Variants in VNN1 observed in about 807,000 individuals in gnomAD.
The protein encoded by VNN1 is pantetheinase.
Under a neutral mutation model 41.9 loss-of-function variants are expected in VNN1, and 29 were observed. That is an observed-to-expected ratio of 0.69 (90% CI 0.52 to 0.94). VNN1 has a LOEUF of 0.94. Ranked by LOEUF, VNN1 falls within the 40% of genes least tolerant of loss-of-function variation. VNN1 has a pLI of 0.00. For synonymous variants in VNN1, 233 were observed against 224.4 expected, an observed-to-expected ratio of 1.04 and a Z score of -0.34; for missense variants, 637 against 621.1, an observed-to-expected ratio of 1.03 and a Z score of -0.27.
intron 2 of VNN1, among the ~76,000 whole-genome samples, chr6:132,705,376 A>G (rs1374922428): frequency 6.6e-6 from 1 of 152,206 alleles, no homozygotes; most frequent in Non-Finnish European, 1.5e-5. Context: ...ACATGCACAA[A>G]TCAATTGATG....
chr6:132,693,460 G>A (rs1778321847), intron 3 of VNN1, 145 bp from the exon 4 acceptor site: 1 of 901,204 alleles, frequency 1.1e-6, no homozygotes, highest in South Asian at 2.0e-5. Flanking sequence ...TTGCTTTAGA[G>A]AATCAGAGGC....
In VNN1 at chr6:132,693,038, G is replaced by A. The variant is rs1488131401; in HGVS notation, c.812C>T (p.Ser271Leu). Residue 271 changes from serine (S) to leucine (L), a missense_variant, in exon 4 of 7, where the codon TCA becomes TTA. Coordinates refer to ENST00000367928, the MANE Select transcript of VNN1 (RefSeq NM_004666.3). ...TCACACATTACCTGTCATTTTCTTTGAGGGGTAATGTATGTTGGATGCAAG... is the reference window on the plus strand; with the variant it reads ...TCACACATTACCTGTCATTTTCTTTAAGGGGTAATGTATGTTGGATGCAAG... ...NFLASNIHYP[S>L]KKMTGSGIYA... is the part of the protein sequence containing the mutation. 3.7e-6 allele frequency: 6 copies of A among 1,601,646 alleles called. No individual in the cohort carries two copies. Among genetic ancestry groups the A allele is most frequent in the Non-Finnish European group, 5.1e-6 (6 of 1,172,748 alleles).
intron 2 of VNN1, among the ~76,000 whole-genome samples, chr6:132,707,665 G>A (rs1199470716): frequency 6.6e-6 from 1 of 152,218 alleles, no homozygotes; most frequent in Non-Finnish European, 1.5e-5. Flanking sequence ...GTTAGGCACA[G>A]AAAGGCAAAC....
intron 5 of VNN1, among the ~76,000 whole-genome samples, chr6:132,686,841 G>T (rs1778216325): frequency 6.6e-6 from 1 of 151,932 alleles, no homozygotes; most frequent in African/African-American, 2.4e-5. Flanking sequence ...AGAGAGAGAA[G>T]AAAAAATAAT....
chr6:132,711,852 C>A lies in VNN1; in HGVS notation c.211-13G>T, dbSNP rs778536146. 13 of 1,611,512 alleles carry A rather than the reference C, an allele frequency of 8.1e-6. No homozygotes were observed. Among genetic ancestry groups the A allele is most frequent in the African/African-American group, 6.7e-5 (5 of 74,830 alleles). ...TAATATGCGCACCCTGTTAAAAATG[C>A]AACTTAATCCAAAGGGGGGCCTGCA... On this transcript the variant is annotated splice_polypyrimidine_tract_variant and intron_variant, in intron 1 of 6. Coordinates refer to ENST00000367928, the MANE Select transcript of VNN1 (RefSeq NM_004666.3).
rs1778187781 is a variant in VNN1, at chr6:132,685,092, A to C, written c.1189-587T>G. 1.3e-5 allele frequency among the ~76,000 whole-genome samples: 2 copies of C among 152,244 alleles called. 1 individual carries two copies. The highest frequency in any genetic ancestry group is 4.1e-4 in the South Asian group (2 of 4,834). ...GTTTCACACAATAAAAGAGCTTCAGAGTTGTAATGAGCCCTAGAGTTGACC... is the reference window on the plus strand; with the variant it reads ...GTTTCACACAATAAAAGAGCTTCAGCGTTGTAATGAGCCCTAGAGTTGACC... On this transcript the variant is annotated intron_variant, in intron 5 of 6. Coordinates refer to ENST00000367928, the MANE Select transcript of VNN1 (RefSeq NM_004666.3).
At chr6:132,704,762 T>C in intron 2 of VNN1, among the ~76,000 whole-genome samples, 1 of 151,754 alleles carries the variant, frequency 6.6e-6, no homozygotes, top group Non-Finnish European at 1.5e-5. Flanking sequence ...AACTAAAAAG[T>C]TTCTTTTTGA....
At chr6:132,686,897 A>G (rs1178029587) in intron 5 of VNN1, among the ~76,000 whole-genome samples, 2 of 152,192 alleles carry the variant, frequency 1.3e-5, no homozygotes, top group East Asian at 3.8e-4. Flanking sequence ...AAGACAAGAA[A>G]AAAGAGTTCT....
At chr6:132,685,793 A>C (rs1007087091) in intron 5 of VNN1, among the ~76,000 whole-genome samples, 4 of 152,222 alleles carry the variant, frequency 2.6e-5, no homozygotes, top group African/African-American at 7.2e-5. Context: ...GTCCTCCAAA[A>C]AACCAGATAA....
intron 2 of VNN1, chr6:132,699,188 GA>G: frequency 8.2e-6 from 3 of 365,230 alleles, no homozygotes; most frequent in Non-Finnish European, 1.6e-5. Context: ...GATGAGAATG[GA>G]AAAGATTGCA....
In VNN1 at chr6:132,681,513, G is replaced by A. The variant is rs1384311290; in HGVS notation, c.*1627C>T. On this transcript the variant is annotated 3_prime_UTR_variant, in exon 7 of 7. Transcript: ENST00000367928. ...AAATGTTTGTTGTTTTAAGATAATAGTTTGGGGGCAATTCATTACACCACA... is the reference window on the plus strand; with the variant it reads ...AAATGTTTGTTGTTTTAAGATAATAATTTGGGGGCAATTCATTACACCACA... The A allele has an allele frequency of 6.6e-6, 1 of 152,166 alleles. No individual in the cohort carries two copies. Among genetic ancestry groups the A allele is most frequent in the Non-Finnish European group, 1.5e-5 (1 of 68,026 alleles). 9.4% of individuals were successfully genotyped at this position (152,166 alleles called of 1,614,324 possible). A position where few individuals can be genotyped will look rare whatever the true frequency, so the allele number is the denominator to read the frequency against.
chr6:132,699,252 A>G, intron 2 of VNN1: 1 of 270,336 alleles, frequency 3.7e-6, no homozygotes, highest in Non-Finnish European at 7.4e-6. Flanking sequence ...CAATTTCTAC[A>G]ACTCCACTAT....
At chr6:132,711,465 G>A (rs941623382) in intron 2 of VNN1, among the ~76,000 whole-genome samples, 1 of 152,208 alleles carries the variant, frequency 6.6e-6, no homozygotes, top group Non-Finnish European at 1.5e-5. Context: ...TCACTGGTGA[G>A]GAGTCAGAGA....
chr6:132,706,209 C>A (rs1043710151), intron 2 of VNN1, among the ~76,000 whole-genome samples: 1 of 151,550 alleles, frequency 6.6e-6, no homozygotes, highest in East Asian at 1.9e-4. Flanking sequence ...CCCTCCTAAG[C>A]AAAAAGAAAA....
At position 132,693,096 on chromosome 6, in the gene VNN1, A is replaced by G. The variant is rs969831429; in HGVS notation, c.754T>C (p.Ser252Pro). 6.2e-7 allele frequency: 1 copy of G among 1,614,114 alleles called. No homozygotes were observed. The highest frequency in any genetic ancestry group is 8.5e-7 in the Non-Finnish European group (1 of 1,180,010). Residue 252 changes from serine (S) to proline (P), a missense_variant, in exon 4 of 7, where the codon TCA becomes CCA. Physicochemically the swap from Ser to Pro is moderately conservative, Grantham distance 74 (BLOSUM62 -1). Transcript: ENST00000367928. ...ACCCTCATGCCCATAGCCCAAGCTG[A>G]GTGGAATTCAACAGCTGACAAATGT... ...LPHLSAVEFH[S>P]AWAMGMRVNF...
chr6:132,683,160 C>T lies in VNN1; in HGVS notation c.1522G>A (p.Val508Ile). Residue 508 changes from valine (V) to isoleucine (I), a missense_variant, in exon 7 of 7, where the codon GTA becomes ATA. Physicochemically the swap from Val to Ile is conservative, Grantham distance 29. Transcript: ENST00000367928. ...ATATTCTACCAACTTAATGAGCATACAATAGGTGCTATAACTATTAGCATT... is the reference window on the plus strand; with the variant it reads ...ATATTCTACCAACTTAATGAGCATATAATAGGTGCTATAACTATTAGCATT... The part of the protein sequence containing the change: ...IIMLIVIAPI[V>I]CSLSW The T allele has an allele frequency of 6.2e-7, 1 of 1,609,972 alleles. No homozygotes were observed. The highest frequency in any genetic ancestry group is 8.5e-7 in the Non-Finnish European group (1 of 1,178,800).
intron 2 of VNN1, among the ~76,000 whole-genome samples, chr6:132,700,854 A>G (rs1026851753): frequency 6.6e-6 from 1 of 152,140 alleles, no homozygotes; most frequent in African/African-American, 2.4e-5. Context: ...GTTTCTTTAA[A>G]TAAGGTTATA....
intron 2 of VNN1, among the ~76,000 whole-genome samples, chr6:132,694,939 G>A (rs1778347200): frequency 6.6e-6 from 1 of 152,084 alleles, no homozygotes; most frequent in African/African-American, 2.4e-5. Context: ...GATCAGCTGA[G>A]GTCAGGAGTT....
At chr6:132,694,568 T>C (rs1778340790) in intron 2 of VNN1, among the ~76,000 whole-genome samples, 2 of 152,190 alleles carry the variant, frequency 1.3e-5, no homozygotes, top group East Asian at 3.9e-4. Flanking sequence ...TTAAAAAATA[T>C]CTTGGGGTGG....
Sources: allele counts gnomAD v4.1 joint callset (sites outside exome capture counted in the v4.1 genomes callset), GRCh38; gene constraint gnomAD v4.1.1; transcripts MANE v1.5; gene names NCBI Gene and HGNC (gene_info 2026-07-23, HGNC 2026-07-21).